The following RELCH variants were observed in gnomAD, a reference collection of about 807,000 sequenced individuals.
RELCH encodes RAB11 binding and LisH domain, coiled-coil and HEAT repeat containing.
Under a neutral mutation model 150.3 loss-of-function variants are expected in RELCH, and 41 were observed. The ratio of observed to expected loss-of-function variants is 0.27; its 90% CI spans 0.21 to 0.35. The LOEUF (loss-of-function observed/expected upper bound fraction) is 0.35. Among genes scored for constraint, RELCH ranks in the 10% least tolerant of loss-of-function variants. The probability of loss-of-function intolerance (pLI) is 1.00; values close to 1 mark genes in which losing one functional copy is unlikely to be tolerated. For synonymous variants in RELCH, 478 were observed against 531.8 expected (o/e 0.90, Z 1.39); for missense variants, 1,092 against 1,467.8 (o/e 0.74, Z 4.18).
chr18:62,213,435 A>G (rs1263183967), intron 2 of RELCH, among the ~76,000 whole-genome samples: 1 of 152,114 alleles, frequency 6.6e-6, no homozygotes, highest in Non-Finnish European at 1.5e-5. Context: ...TTTAGCATAA[A>G]TTTATGATCA....
intron 22 of RELCH, among the ~76,000 whole-genome samples, chr18:62,279,332 G>A (rs574553930): frequency 2.0e-5 from 3 of 152,268 alleles, no homozygotes; most frequent in South Asian, 2.1e-4. Context: ...TGGTTTAGTG[G>A]TGACTGCTAC....
chr18:62,222,931 G>C (rs1257198870), intron 5 of RELCH, among the ~76,000 whole-genome samples: 1 of 151,958 alleles, frequency 6.6e-6, no homozygotes, highest in African/African-American at 2.4e-5. Context: ...ATTTTGAACT[G>C]AGTGAAGATG....
At chr18:62,301,081 A>G (rs1377197508) in intron 28 of RELCH, 2 of 152,254 alleles carry the variant, frequency 1.3e-5, no homozygotes, top group African/African-American at 4.8e-5. Flanking sequence ...AAAGGAATAC[A>G]GGAGTCTTCA....
intron 20 of RELCH, among the ~76,000 whole-genome samples, chr18:62,273,459 G>A (rs555736845): frequency 3.3e-5 from 5 of 152,128 alleles, no homozygotes; most frequent in African/African-American, 1.2e-4. Context: ...TTCTACAACG[G>A]GGTAACTATT....
rs138847150 is a variant in RELCH at position 62,275,559 on chromosome 18, G to A, written c.2967+86G>A. 1.1e-5 allele frequency: 9 copies of A among 796,888 alleles called. No homozygotes were observed. In the South Asian group the frequency reaches 1.3e-4, roughly 12 times the overall value. The allele number at this position is 796,888 out of a possible 1,614,324, so 49.4% of individuals were successfully genotyped here. ...AGAAGGGAATTTTTTTTAATAAAAA[G>A]GCTTTGCATATCATGTTATGTTGAT... On this transcript the variant is annotated intron_variant, in intron 22 of 28. Coordinates refer to ENST00000644646, the MANE Select transcript of RELCH (RefSeq NM_001346231.2).
chr18:62,230,779 C>A (rs139544492), intron 8 of RELCH, among the ~76,000 whole-genome samples: 1 of 151,962 alleles, frequency 6.6e-6, no homozygotes, highest in Admixed American at 6.6e-5. Flanking sequence ...GCTTTAATTC[C>A]TCTCAGCAAT....
chr18:62,210,592 A>T (rs1192465760), intron 1 of RELCH, among the ~76,000 whole-genome samples: 1 of 152,168 alleles, frequency 6.6e-6, no homozygotes, highest in African/African-American at 2.4e-5. Flanking sequence ...CCTTTCGTTT[A>T]TTGTATACAT....
intron 11 of RELCH, chr18:62,246,005 C>T (rs972521073): frequency 4.6e-5 from 7 of 152,096 alleles, no homozygotes; most frequent in Non-Finnish European, 8.8e-5. Context: ...ACCTGGTGAC[C>T]CCCTCAGGCA....
chr18:62,239,952 CAAATGTAATATATATTT>C (rs1485768849), intron 10 of RELCH, among the ~76,000 whole-genome samples: 3 of 151,422 alleles, frequency 2.0e-5, no homozygotes, highest in Non-Finnish European at 4.4e-5. Context: ...ACATTATATC[CAAATGTAATATATATTT>C]GGATATAAAT....
chr18:62,287,578 G>C, intron 26 of RELCH, 111 bp downstream of exon 26: 1 of 689,788 alleles, frequency 1.4e-6, no homozygotes, highest in Non-Finnish European at 2.5e-6. Flanking sequence ...TACATTAAGC[G>C]TTGTAGAAAA....
chr18:62,280,180 A>G (rs1287267499), intron 23 of RELCH: 1 of 605,176 alleles, frequency 1.7e-6, no homozygotes, highest in African/African-American at 1.9e-5. Context: ...TAATCTCACT[A>G]ACAGGTTGTT....
At chr18:62,241,497 G>GCCATAGTTATTTTCTTA (rs2042146565) in intron 10 of RELCH, among the ~76,000 whole-genome samples, 1 of 152,042 alleles carries the variant, frequency 6.6e-6, no homozygotes, top group African/African-American at 2.4e-5. Flanking sequence ...TATTACCCAA[G>GCCATAGTTATTTTCTTA]CCATAGTTAT....
intron 27 of RELCH, among the ~76,000 whole-genome samples, chr18:62,293,333 TA>T (rs1183009299): frequency 2.0e-5 from 3 of 152,152 alleles, no homozygotes; most frequent in African/African-American, 7.2e-5. Context: ...GGAGAGACCA[TA>T]AGGCAGAACA....
At chr18:62,291,717 T>TA (rs771445093) in intron 27 of RELCH, 86 bp downstream of exon 27, 1 of 843,912 alleles carries the variant, frequency 1.2e-6, no homozygotes, top group Non-Finnish European at 1.9e-6. Context: ...AGGCTTATGA[T>TA]ATGCTGTAAT....
chr18:62,227,692 T>C lies in RELCH; in HGVS notation c.1154+3T>C. ...GAGCAAATCAGAAGACTTAAAAGGTTAGTACTTGATCATTATTCCTAAAAA... is the reference window on the plus strand; with the variant it reads ...GAGCAAATCAGAAGACTTAAAAGGTCAGTACTTGATCATTATTCCTAAAAA... On this transcript the variant is annotated splice_donor_region_variant and intron_variant, in intron 7 of 28. Coordinates refer to ENST00000644646, the MANE Select transcript of RELCH (RefSeq NM_001346231.2). The C allele has an allele frequency of 7.0e-6, 10 of 1,426,016 alleles. No homozygotes were observed. Among genetic ancestry groups the C allele is most frequent in the Non-Finnish European group, 9.7e-6 (10 of 1,031,944 alleles). The allele number at this position is 1,426,016 out of a possible 1,614,324, so 88.3% of individuals were successfully genotyped here.
chr18:62,287,177 C>G (rs980554256), intron 25 of RELCH, among the ~76,000 whole-genome samples, 174 bp from the exon 26 acceptor site: 1 of 152,142 alleles, frequency 6.6e-6, no homozygotes, highest in Non-Finnish European at 1.5e-5. Context: ...TTTTGAAAAA[C>G]TACTTTCTTC....
At position 62,308,302 on chromosome 18, in the gene RELCH, C is replaced by G. The variant is rs1444565076; in HGVS notation, c.*2768C>G. 6.6e-6 allele frequency: 1 copy of G among 152,222 alleles called. No individual in the cohort carries two copies. The highest frequency in any genetic ancestry group is 1.5e-5 in the Non-Finnish European group (1 of 68,040). 9.4% of individuals were successfully genotyped at this position (152,222 alleles called of 1,614,324 possible). ...TACTACCCTGCTGATCTTTGAACTGCAGTAGCTAACTACAGCTAACATTCT... is the reference window on the plus strand; with the variant it reads ...TACTACCCTGCTGATCTTTGAACTGGAGTAGCTAACTACAGCTAACATTCT... On this transcript the variant is annotated 3_prime_UTR_variant, in exon 29 of 29. Coordinates refer to ENST00000644646, the MANE Select transcript of RELCH (RefSeq NM_001346231.2).
intron 28 of RELCH, among the ~76,000 whole-genome samples, chr18:62,303,395 T>C (rs1253534543): frequency 6.6e-6 from 1 of 152,240 alleles, no homozygotes; most frequent in Non-Finnish European, 1.5e-5. Flanking sequence ...GTCACCTAAA[T>C]CTTCTTCAAG....
intron 8 of RELCH, 45 bp from the exon 9 acceptor site, chr18:62,231,149 T>C (rs779749999): frequency 3.3e-6 from 4 of 1,201,050 alleles, no homozygotes; most frequent in Admixed American, 3.6e-5. Flanking sequence ...TAAATGTCAA[T>C]GGTAATTATT....
Sources: allele counts gnomAD v4.1 joint callset (sites outside exome capture counted in the v4.1 genomes callset), GRCh38; gene constraint gnomAD v4.1.1; transcripts MANE v1.5; gene names NCBI Gene and HGNC (gene_info 2026-07-23, HGNC 2026-07-21).